SLC13A4: variants seen among roughly 807,000 people sequenced by gnomAD.
SLC13A4 encodes the protein Na(+)/sulfate cotransporter SUT-1.
SLC13A4 carries 28 observed loss-of-function variants against 72.7 expected under a neutral mutation model. That is an observed-to-expected ratio of 0.39 (90% CI 0.29 to 0.53). The LOEUF is 0.53. Among genes scored for constraint, SLC13A4 ranks in the 20% least tolerant of loss-of-function variants. The pLI is 0.78. For synonymous variants in SLC13A4, 312 were observed against 325.5 expected, an observed-to-expected ratio of 0.96 and a Z score of 0.45; for missense variants, 653 against 788.0, an observed-to-expected ratio of 0.83 and a Z score of 2.05.
At chr7:135,701,498 C>T (rs895449886) in intron 7 of SLC13A4, among the ~76,000 whole-genome samples, 182 bp downstream of exon 7, 8 of 152,200 alleles carry the variant, frequency 5.3e-5, no homozygotes, top group Non-Finnish European at 1.2e-4. Flanking sequence ...TGTCTTGCTA[C>T]AGTCAAGTGA....
At chr7:135,723,005 TA>T (rs1251531232) in intron 1 of SLC13A4, among the ~76,000 whole-genome samples, 2 of 152,168 alleles carry the variant, frequency 1.3e-5, no homozygotes, top group African/African-American at 4.8e-5. Context: ...CTGTGCACTG[TA>T]AAAGAGCAGC....
Position 135,692,314 on chromosome 7 carries a change from A to G in SLC13A4, c.1223+9T>C, listed in dbSNP as rs774571727. 2 of 1,595,404 alleles carry G rather than the reference A, an allele frequency of 1.3e-6. No homozygotes were observed. The highest frequency in any genetic ancestry group is 1.7e-6 in the Non-Finnish European group (2 of 1,163,018). ...GGGTTGTTCTTAAGGAGGAAATGAT[A>G]TCACTTACTTTTCAAAGAAAGAATC... On this transcript the variant is annotated intron_variant, in intron 11 of 15. Coordinates refer to ENST00000682651, the MANE Select transcript of SLC13A4 (RefSeq NM_001318192.2).
chr7:135,683,036 C>T (rs1282032149), intron 15 of SLC13A4, among the ~76,000 whole-genome samples: 1 of 152,050 alleles, frequency 6.6e-6, no homozygotes, highest in East Asian at 1.9e-4. Context: ...CAGTGACTCA[C>T]ACCTGTAATG....
intron 8 of SLC13A4, among the ~76,000 whole-genome samples, chr7:135,697,444 T>G (rs142293311): frequency 8.5e-5 from 13 of 152,274 alleles, no homozygotes; most frequent in African/African-American, 3.1e-4. Flanking sequence ...ACCCAGCAAG[T>G]GACCTCTGAG....
At chr7:135,697,348 C>T (rs1175182132) in intron 8 of SLC13A4, among the ~76,000 whole-genome samples, 5 of 152,240 alleles carry the variant, frequency 3.3e-5, no homozygotes, top group Non-Finnish European at 7.3e-5. Flanking sequence ...TCCTCTTTCC[C>T]CTCTATTCCT....
chr7:135,682,644 G>A (rs1469190136), intron 15 of SLC13A4, among the ~76,000 whole-genome samples: 2 of 152,206 alleles, frequency 1.3e-5, no homozygotes, highest in African/African-American at 4.8e-5. Flanking sequence ...GCTAAATTAA[G>A]GAGTGTTAGA....
At chr7:135,697,371 G>C (rs148715889) in intron 8 of SLC13A4, among the ~76,000 whole-genome samples, 101 of 152,292 alleles carry the variant, frequency 6.6e-4, no homozygotes, top group Non-Finnish European at 1.0e-3. Context: ...ACATGCTGAG[G>C]GCAGGAGCCT....
chr7:135,683,003 A>T (rs1196230514), intron 15 of SLC13A4, among the ~76,000 whole-genome samples: 1 of 152,126 alleles, frequency 6.6e-6, no homozygotes, highest in Non-Finnish European at 1.5e-5. Context: ...CGAACAGTCG[A>T]AAGGACCTGA....
At position 135,684,253 on chromosome 7, in the gene SLC13A4, C is replaced by T. The variant is rs749018560; in HGVS notation, c.1617G>A (p.Thr539=). Residue 539 remains threonine (T), a synonymous_variant, in exon 15 of 16, where the codon ACG becomes ACA. Coordinates refer to ENST00000682651, the MANE Select transcript of SLC13A4 (RefSeq NM_001318192.2). The part of the protein sequence containing the change: ...FLPILCSLSE[T]LHINPLYTLI... ...GGGTGTAGAGGGGGTTAATGTGCAG[C>T]GTTTCAGACTAGAAGAGAGAATTCA... 7.5e-6 allele frequency: 12 copies of T among 1,604,590 alleles called. No individual in the cohort carries two copies. Among genetic ancestry groups the T allele is most frequent in the East Asian group, 4.5e-5 (2 of 44,490 alleles).
At chr7:135,691,470 G>T (rs376636750) in intron 12 of SLC13A4, 78 bp downstream of exon 12, 4 of 1,524,438 alleles carry the variant, frequency 2.6e-6, no homozygotes, top group Non-Finnish European at 3.6e-6. Context: ...AAGGACCTTG[G>T]TAAATCTCTT....
intron 2 of SLC13A4, among the ~76,000 whole-genome samples, chr7:135,711,585 C>G (rs1407839630): frequency 6.6e-6 from 1 of 152,124 alleles, no homozygotes; most frequent in East Asian, 1.9e-4. Context: ...TCCCAGGTCA[C>G]AGTGTAAGGG....
chr7:135,697,732 G>A (rs77666484), intron 8 of SLC13A4, among the ~76,000 whole-genome samples: 4,671 of 152,156 alleles, frequency 0.031, 241 homozygotes, highest in African/African-American at 0.11. Context: ...GCCAAGCCCT[G>A]AAGATCTGCC....
chr7:135,720,512 C>A (rs547125051), intron 2 of SLC13A4, among the ~76,000 whole-genome samples: 4 of 150,072 alleles, frequency 2.7e-5, no homozygotes, highest in African/African-American at 9.8e-5. Context: ...TGTGCCTCTG[C>A]CCATAACCTT....
At chr7:135,709,429 A>ATTT (rs1563166250) in intron 2 of SLC13A4, among the ~76,000 whole-genome samples, 1,230 of 90,588 alleles carry the variant, frequency 0.014, 20 homozygotes, top group South Asian at 0.094. Flanking sequence ...TTTTTTTAAA[A>ATTT]AAAAATTTGA....
rs1352164782 is a variant in SLC13A4, at chr7:135,705,593, C to T, written c.593+3G>A. On this transcript the variant is annotated splice_donor_region_variant and intron_variant, in intron 5 of 15. Coordinates refer to ENST00000682651, the MANE Select transcript of SLC13A4 (RefSeq NM_001318192.2). ...CTGTCTGGGAGAGGGCAGTCATACT[C>T]ACTCTTCATTGACAAAGATGAGTTC... 2.5e-6 allele frequency: 4 copies of T among 1,613,712 alleles called. No homozygotes were observed. The African/African-American group carries it at 4.0e-5, about 16-fold the overall frequency.
rs755396732 is a variant in SLC13A4 at position 135,708,243 on chromosome 7, G to T, written c.236C>A (p.Ala79Glu). 6.8e-6 allele frequency: 11 copies of T among 1,614,000 alleles called. No individual in the cohort carries two copies. In the Admixed American group the frequency reaches 1.8e-4, roughly 27 times the overall value. Residue 79 changes from alanine (A) to glutamate (E), a missense_variant, in exon 3 of 16, where the codon GCG (alanine) becomes GAG (glutamate). Coordinates refer to ENST00000682651, the MANE Select transcript of SLC13A4 (RefSeq NM_001318192.2). ...FGVLRSNEVA[A>E]EYFKNTTLLL... ...CAGCGTGGTGTTCTTGAAGTACTCC[G>T]CCGCCACCTGTAGGGAGGCCAGGCA...
At chr7:135,705,893 G>A in intron 4 of SLC13A4, 1 of 562,514 alleles carries the variant, frequency 1.8e-6, no homozygotes, top group South Asian at 2.6e-5. Context: ...TGGGGGAAAA[G>A]AGCCCAGAAG....
At position 135,708,221 on chromosome 7, in the gene SLC13A4, C is replaced by T. The variant is rs1584732510; in HGVS notation, c.258G>A (p.Thr86=). 6.2e-7 allele frequency: 1 copy of T among 1,614,222 alleles called. No individual in the cohort carries two copies. Among genetic ancestry groups the T allele is most frequent in the Non-Finnish European group, 8.5e-7 (1 of 1,180,026 alleles). Residue 86 remains threonine, a synonymous_variant, in exon 3 of 16, where the codon ACG becomes ACA. Transcript: ENST00000682651. Reference sequence around the variant, plus strand: ...CGCAGATGACCCCCACCAGCAGCAGCGTGGTGTTCTTGAAGTACTCCGCCG... The same window carrying T: ...CGCAGATGACCCCCACCAGCAGCAGTGTGGTGTTCTTGAAGTACTCCGCCG... ...EVAAEYFKNT[T]LLLVGVICVA... is the part of the protein sequence containing the mutation.
intron 3 of SLC13A4, among the ~76,000 whole-genome samples, chr7:135,707,235 A>T (rs1363976848): frequency 6.6e-6 from 1 of 152,238 alleles, no homozygotes; most frequent in African/African-American, 2.4e-5. Context: ...CAGAGATTTT[A>T]AAGAGCCACA....
Sources: allele counts gnomAD v4.1 joint callset (sites outside exome capture counted in the v4.1 genomes callset), GRCh38; gene constraint gnomAD v4.1.1; transcripts MANE v1.5; gene names NCBI Gene and HGNC (gene_info 2026-07-23, HGNC 2026-07-21).